CPEB3: variants seen among roughly 807,000 people sequenced by gnomAD.
CPEB3 encodes the protein cytoplasmic polyadenylation element-binding protein 3.
CPEB3 carries 20 observed loss-of-function variants against 67.2 expected under a neutral mutation model. The observed-to-expected ratio is 0.30, with a 90% CI of 0.21 to 0.43. The LOEUF (loss-of-function observed/expected upper bound fraction) is 0.43, where lower values mean the gene tolerates loss of function less well. CPEB3 is among the 20% of genes least tolerant of loss of function. The pLI, the probability that CPEB3 is intolerant of heterozygous loss-of-function variation, is 1.00. For synonymous variants in CPEB3, 376 were observed against 393.1 expected, an observed-to-expected ratio of 0.96 and a Z score of 0.51; for missense variants, 746 against 968.6, an observed-to-expected ratio of 0.77 and a Z score of 3.05.
chr10:92,225,823 G>A (rs927836625), intron 2 of CPEB3, among the ~76,000 whole-genome samples: 2 of 152,228 alleles, frequency 1.3e-5, no homozygotes, highest in African/African-American at 4.8e-5. Context: ...AATTGGCCGG[G>A]TGCAGTGGCT....
At chr10:92,195,897 T>C (rs1164364487) in intron 2 of CPEB3, among the ~76,000 whole-genome samples, 2 of 152,222 alleles carry the variant, frequency 1.3e-5, no homozygotes, top group African/African-American at 4.8e-5. Flanking sequence ...TGGTTACTTC[T>C]ATAGAAAAAC....
At chr10:92,199,197 G>A (rs1426727746) in intron 2 of CPEB3, among the ~76,000 whole-genome samples, 1 of 151,464 alleles carries the variant, frequency 6.6e-6, no homozygotes. Context: ...TTCGAGACCA[G>A]CCTGACCAAC....
chr10:92,169,901 A>G (rs917441238), intron 4 of CPEB3, among the ~76,000 whole-genome samples: 6 of 152,214 alleles, frequency 3.9e-5, no homozygotes, highest in Non-Finnish European at 7.3e-5. Context: ...CCACTAAGAC[A>G]ATACTAGTCT....
intron 9 of CPEB3, among the ~76,000 whole-genome samples, chr10:92,079,442 G>C (rs562473437): frequency 8.5e-5 from 13 of 152,276 alleles, no homozygotes; most frequent in African/African-American, 3.1e-4. Flanking sequence ...ATGGAGTTCA[G>C]TTTGGTACCC....
chr10:92,178,343 G>A (rs1453017770), intron 4 of CPEB3, among the ~76,000 whole-genome samples: 1 of 151,992 alleles, frequency 6.6e-6, no homozygotes, highest in East Asian at 1.9e-4. Flanking sequence ...ATTTTTAGTA[G>A]AGACGGGGTT....
At chr10:92,247,275 T>C (rs943381627) in intron 1 of CPEB3, among the ~76,000 whole-genome samples, 27 of 152,214 alleles carry the variant, frequency 1.8e-4, no homozygotes, top group Non-Finnish European at 3.2e-4. Context: ...TGGAGTGCAG[T>C]GGCACAACCT....
intron 2 of CPEB3, among the ~76,000 whole-genome samples, chr10:92,234,944 A>G (rs960057227): frequency 6.6e-6 from 1 of 152,120 alleles, no homozygotes; most frequent in African/African-American, 2.4e-5. Flanking sequence ...CAAAAACAAA[A>G]CAAAAAAATA....
At chr10:92,065,364 G>C (rs1202597178) in intron 9 of CPEB3, among the ~76,000 whole-genome samples, 1 of 152,112 alleles carries the variant, frequency 6.6e-6, no homozygotes, top group Non-Finnish European at 1.5e-5. Context: ...GGAATTACAG[G>C]CATGTGCCAC....
At chr10:92,081,949 G>A (rs1843168992) in intron 8 of CPEB3, among the ~76,000 whole-genome samples, 1 of 152,166 alleles carries the variant, frequency 6.6e-6, no homozygotes, top group African/African-American at 2.4e-5. Context: ...CTAAGCTATA[G>A]AAAGGATTAA....
intron 4 of CPEB3, among the ~76,000 whole-genome samples, chr10:92,169,745 C>T (rs1309132703): frequency 6.6e-6 from 1 of 152,224 alleles, no homozygotes; most frequent in Non-Finnish European, 1.5e-5. Context: ...AGCCTAATCC[C>T]ACTTTTACTG....
chr10:92,109,356 G>T (rs1163096002), intron 7 of CPEB3, among the ~76,000 whole-genome samples: 2 of 151,790 alleles, frequency 1.3e-5, no homozygotes, highest in Non-Finnish European at 2.9e-5. Context: ...GGGTTCAAGC[G>T]ATTCTACTGC....
chr10:92,096,742 G>A (rs1261982383), intron 7 of CPEB3, among the ~76,000 whole-genome samples: 1 of 152,040 alleles, frequency 6.6e-6, no homozygotes, highest in Non-Finnish European at 1.5e-5. Flanking sequence ...TCAGGAGTTC[G>A]ACACCAGCTT....
At chr10:92,173,194 C>T (rs1209304701) in intron 4 of CPEB3, among the ~76,000 whole-genome samples, 1 of 152,286 alleles carries the variant, frequency 6.6e-6, no homozygotes, top group Middle Eastern at 3.4e-3. Context: ...GGGGTGAATG[C>T]TGTAAATGTG....
chr10:92,140,796 C>T (rs1240680957), intron 6 of CPEB3, among the ~76,000 whole-genome samples: 2 of 110,988 alleles, frequency 1.8e-5, no homozygotes, highest in Admixed American at 2.0e-4. Flanking sequence ...AAAAAACAAA[C>T]AACCCCATCA....
At chr10:92,066,096 C>CA (rs1022042328) in intron 9 of CPEB3, among the ~76,000 whole-genome samples, 33 of 144,942 alleles carry the variant, frequency 2.3e-4, no homozygotes, top group African/African-American at 6.1e-4. Flanking sequence ...GACCTCGTCT[C>CA]AAAAAAAAAA....
At chr10:92,116,253 A>T (rs1020798303) in intron 6 of CPEB3, among the ~76,000 whole-genome samples, 1 of 135,016 alleles carries the variant, frequency 7.4e-6, no homozygotes, top group African/African-American at 2.9e-5. Flanking sequence ...ACCTTCCAGT[A>T]AAAAAAAAAA....
intron 6 of CPEB3, among the ~76,000 whole-genome samples, chr10:92,124,938 C>T (rs895619346): frequency 6.6e-6 from 1 of 152,246 alleles, no homozygotes; most frequent in African/African-American, 2.4e-5. Flanking sequence ...CCTTGTTCCT[C>T]AAGCAGGATC....
At chr10:92,253,463 CAA>C (rs370091703) in intron 1 of CPEB3, among the ~76,000 whole-genome samples, 17 of 76,850 alleles carry the variant, frequency 2.2e-4, no homozygotes, top group East Asian at 8.2e-4. Context: ...TGTCTCAAAA[CAA>C]AAAAAAAAAA....
At chr10:92,290,561 T>C (rs978098729) in intron 1 of CPEB3, among the ~76,000 whole-genome samples, 1 of 152,124 alleles carries the variant, frequency 6.6e-6, no homozygotes, top group Non-Finnish European at 1.5e-5. Flanking sequence ...GAGAGAATCA[T>C]CTTTCCTTCC....
Sources: allele counts gnomAD v4.1 joint callset (sites outside exome capture counted in the v4.1 genomes callset), GRCh38; gene constraint gnomAD v4.1.1; transcripts MANE v1.5; gene names NCBI Gene and HGNC (gene_info 2026-07-23, HGNC 2026-07-21).